Variants in SFTPB observed in about 807,000 individuals in gnomAD.
SFTPB encodes the protein surfactant protein B, also known as pulmonary surfactant-associated protein B.
SFTPB carries 32 observed loss-of-function variants against 51.0 expected under a neutral mutation model. The observed-to-expected ratio is 0.63, with a 90% CI of 0.47 to 0.84. The LOEUF is 0.84. Ranked by LOEUF, SFTPB falls within the 40% of genes least tolerant of loss-of-function variation. The pLI is 0.00. For synonymous variants in SFTPB, 211 were observed against 208.5 expected, an observed-to-expected ratio of 1.01 and a Z score of -0.10; for missense variants, 431 against 491.2, an observed-to-expected ratio of 0.88 and a Z score of 1.16.
chr2:85,658,057 T>TTTTTTTTTTTTTTTTTTGAGAC lies in SFTPB; in HGVS notation c.*1644_*1645insGTCTCAAAAAAAAAAAAAAAAA, dbSNP rs1677130940. ...AGGAACTGGCTATTTTCACTTCTTT[T>TTTTTTTTTTTTTTTTTTGAGAC]GTGGATCTTCAGTTGCTTCAGGCCA... On this transcript the variant is annotated 3_prime_UTR_variant, in exon 11 of 11. Transcript: ENST00000519937. The TTTTTTTTTTTTTTTTTTGAGAC allele has an allele frequency of 6.6e-6, 1 of 152,220 alleles. No homozygotes were observed. The allele number at this position is 152,220 out of a possible 1,614,324, so 9.4% of individuals were successfully genotyped here.
intron 4 of SFTPB, chr2:85,666,389 TAC>T (rs1558577177): frequency 4.0e-5 from 18 of 451,306 alleles, no homozygotes; most frequent in African/African-American, 3.7e-4. Flanking sequence ...CCAGCTGGGG[TAC>T]TGTGTGTGTG....
chr2:85,666,497 G>A, intron 4 of SFTPB, 120 bp downstream of exon 4: 1 of 564,644 alleles, frequency 1.8e-6, no homozygotes, highest in Non-Finnish European at 2.6e-6. Context: ...TGGGTGCTGT[G>A]TGTGTGTGTG....
intron 4 of SFTPB, among the ~76,000 whole-genome samples, chr2:85,666,231 G>GTGTGC (rs1047792795): frequency 5.5e-5 from 8 of 146,594 alleles, no homozygotes; most frequent in Non-Finnish European, 1.1e-4. Flanking sequence ...GTGTGTGTGT[G>GTGTGC]TGTGTGTGTG....
Position 85,659,466 on chromosome 2 carries a change from G to A in SFTPB, c.*236C>T, listed in dbSNP as rs568626838. ...CCAGAGAGGATGGAAGTGGGCTCTGGTGTCAGACTGTGGTTGAGCTGAGAC... is the reference window on the plus strand; with the variant it reads ...CCAGAGAGGATGGAAGTGGGCTCTGATGTCAGACTGTGGTTGAGCTGAGAC... On this transcript the variant is annotated 3_prime_UTR_variant, in exon 11 of 11. Transcript: ENST00000519937. 6.6e-6 allele frequency: 1 copy of A among 152,420 alleles called. No individual in the cohort carries two copies. The highest frequency in any genetic ancestry group is 1.9e-4 in the East Asian group (1 of 5,178). 9.4% of individuals were successfully genotyped at this position (152,420 alleles called of 1,614,324 possible). A position where few individuals can be genotyped will look rare whatever the true frequency, so the allele number is the denominator to read the frequency against.
At chr2:85,660,771 G>C (rs1046961610) in intron 10 of SFTPB, among the ~76,000 whole-genome samples, 3 of 152,166 alleles carry the variant, frequency 2.0e-5, no homozygotes, top group Non-Finnish European at 2.9e-5. Flanking sequence ...TTTTTAAAAT[G>C]AGGGAACAAA....
chr2:85,665,687 A>G lies in SFTPB; in HGVS notation c.501T>C (p.Pro167=). 6.2e-7 allele frequency: 1 copy of G among 1,614,194 alleles called. No individual in the cohort carries two copies. Residue 167 remains proline (P), a synonymous_variant, in exon 5 of 11, where the codon CCT becomes CCC. Coordinates refer to ENST00000519937, the MANE Select transcript of SFTPB (RefSeq NM_000542.5). ...GCTTGTCCAGCAGAGGGTCTGGCAGAGGGTCCCGCAGAGGTTTGGGCAGGG... is the reference window on the plus strand; with the variant it reads ...GCTTGTCCAGCAGAGGGTCTGGCAGGGGGTCCCGCAGAGGTTTGGGCAGGG... ...SDPLPKPLRD[P]LPDPLLDKLV...
chr2:85,663,170 T>C lies in SFTPB; in HGVS notation c.1002+176A>G, dbSNP rs2118177. On this transcript the variant is annotated intron_variant, in intron 8 of 10. Coordinates refer to ENST00000519937, the MANE Select transcript of SFTPB (RefSeq NM_000542.5). ...CTTTGTCCAGAGGCGACTCCTAACC[T>C]TTAGCAGGCTCTGCCCTAACTTACA... Among the ~76,000 whole-genome samples, 69,802 of 152,084 alleles carry C rather than the reference T, an allele frequency of 0.46. 18,682 individuals are homozygous for C. Among genetic ancestry groups the C allele is most frequent in the African/African-American group, 0.75 (31,100 of 41,500 alleles).
rs1330063067 is a variant in SFTPB at position 85,661,889 on chromosome 2, G to A, written c.1083+140C>T. The A allele has an allele frequency of 4.1e-6, 3 of 723,662 alleles. No homozygotes were observed. The African/African-American group carries it at 5.3e-5, about 13-fold the overall frequency. The allele number at this position is 723,662 out of a possible 1,614,324, so 44.8% of individuals were successfully genotyped here. A position where few individuals can be genotyped will look rare whatever the true frequency, so the allele number is the denominator to read the frequency against. On this transcript the variant is annotated intron_variant, in intron 9 of 10. Coordinates refer to ENST00000519937, the MANE Select transcript of SFTPB (RefSeq NM_000542.5). ...ATTTTTTACACTGAAACAGAGAGGG[G>A]TGCCTCCCAGTCCCTGGCCCGTGCA...
chr2:85,665,836 G>A, intron 4 of SFTPB, 42 bp from the exon 5 acceptor site: 1 of 1,599,506 alleles, frequency 6.3e-7, no homozygotes, highest in Non-Finnish European at 8.6e-7. Flanking sequence ...GTCTGGGAGG[G>A]AAGCCCACCC....
chr2:85,665,804 A>G lies in SFTPB; in HGVS notation c.394-10T>C, dbSNP rs1411493179. ...AGATGCCGTTTGAGTCCTGGGGCAC[A>G]GCACAGGGTGGGAGTGTTAGGGTCT... is the stretch of plus-strand genomic sequence containing the variant. On this transcript the variant is annotated splice_polypyrimidine_tract_variant and intron_variant, in intron 4 of 10. Coordinates refer to ENST00000519937, the MANE Select transcript of SFTPB (RefSeq NM_000542.5). 6.2e-7 allele frequency: 1 copy of G among 1,613,760 alleles called. No homozygotes were observed. The highest frequency in any genetic ancestry group is 8.5e-7 in the Non-Finnish European group (1 of 1,179,794).
chr2:85,662,142 C>T (rs1342961208), intron 8 of SFTPB, 33 bp from the exon 9 acceptor site: 26 of 1,580,970 alleles, frequency 1.6e-5, no homozygotes, highest in Non-Finnish European at 2.1e-5. Context: ...GTGGAGGGTC[C>T]CTTTGCAGGA....
At chr2:85,665,216 A>G in intron 6 of SFTPB, 73 bp downstream of exon 6, 1 of 1,133,514 alleles carries the variant, frequency 8.8e-7, no homozygotes, top group Non-Finnish European at 1.3e-6. Context: ...GTGAGTTGGG[A>G]GAGAGGTGGG....
At chr2:85,662,944 G>T (rs963870463) in intron 8 of SFTPB, among the ~76,000 whole-genome samples, 3 of 152,056 alleles carry the variant, frequency 2.0e-5, no homozygotes, top group Non-Finnish European at 4.4e-5. Flanking sequence ...TTGCCAATGG[G>T]TTTGTCCTGA....
chr2:85,660,723 G>A (rs3024819), intron 10 of SFTPB, among the ~76,000 whole-genome samples: 10,781 of 152,230 alleles, frequency 0.071, 1,258 homozygotes, highest in African/African-American at 0.25. Context: ...CCAAAGTGCT[G>A]GGATTACCGG....
At chr2:85,663,287 G>A in intron 8 of SFTPB, 59 bp downstream of exon 8, 1 of 1,598,860 alleles carries the variant, frequency 6.3e-7, no homozygotes, top group Non-Finnish European at 8.5e-7. Flanking sequence ...CCTTTCCTGG[G>A]CTCAGCCTTC....
chr2:85,662,574 C>T (rs1285477656), intron 8 of SFTPB, among the ~76,000 whole-genome samples: 1 of 152,116 alleles, frequency 6.6e-6, no homozygotes, highest in African/African-American at 2.4e-5. Flanking sequence ...GGTGCAGTGG[C>T]TTATGCCTGT....
intron 4 of SFTPB, among the ~76,000 whole-genome samples, chr2:85,666,114 C>T (rs1003651155): frequency 2.6e-5 from 4 of 151,888 alleles, no homozygotes; most frequent in African/African-American, 9.7e-5. Flanking sequence ...CCTGGGGGCC[C>T]ATGGTCGGGT....
At chr2:85,666,214 GC>G (rs1157731645) in intron 4 of SFTPB, among the ~76,000 whole-genome samples, 7 of 104,304 alleles carry the variant, frequency 6.7e-5, no homozygotes, top group Admixed American at 1.1e-4. Flanking sequence ...CTGTGTGTGT[GC>G]TGTGTGTGTG....
intron 10 of SFTPB, among the ~76,000 whole-genome samples, chr2:85,660,444 CT>C (rs67187198): frequency 0.01 from 1,018 of 97,450 alleles, 25 homozygotes; most frequent in Admixed American, 0.061. Context: ...AAAGAAATAC[CT>C]TTTTTTTTTT....
Sources: gnomAD v4.1 joint callset for allele counts (sites outside exome capture counted in the v4.1 genomes callset) on GRCh38, gnomAD v4.1.1 for gene constraint, MANE v1.5 for transcripts, NCBI Gene and HGNC (gene_info 2026-07-23, HGNC 2026-07-21) for gene names.